The following TTN variants were observed in gnomAD, a reference collection of about 807,000 sequenced individuals.
TTN encodes the protein connectin.
Under a neutral mutation model 3,223.0 loss-of-function variants are expected in TTN, and 1,525 were observed. That is an observed-to-expected ratio of 0.47 (90% CI 0.45 to 0.49). The LOEUF is 0.49. Among genes scored for constraint, TTN ranks in the 20% least tolerant of loss-of-function variants. The pLI is 0.00. For synonymous variants in TTN, 14,094 were observed against 15,161.0 expected, an observed-to-expected ratio of 0.93 and a Z score of 5.17; for missense variants, 40,786 against 43,424.0, an observed-to-expected ratio of 0.94 and a Z score of 5.40.
rs2092142689 is a variant in TTN at position 178,775,688 on chromosome 2, A to T, written c.6176T>A (p.Ile2059Asn). 1 of 1,614,060 alleles carries T rather than the reference A, an allele frequency of 6.2e-7. No individual in the cohort carries two copies. The highest frequency in any genetic ancestry group is 1.7e-5 in the Admixed American group (1 of 60,004). Residue 2059 changes from isoleucine (I) to asparagine (N), a missense_variant, in exon 28 of 363, where the codon ATC (isoleucine) becomes AAC (asparagine). Transcript: ENST00000589042. The stretch of plus-strand genomic sequence containing the variant: ...GTCAGGTTTAAAAGTTGGAATCGTG[A>T]TTTTGCCTTCTTCGGCAAGAGCTTT... ...EKKALAEEGK[I>N]TIPTFKPDKI...
Position 178,549,276 on chromosome 2 carries a change from C to G in TTN, c.92350G>C (p.Gly30784Arg), listed in dbSNP as rs979303656. 7 of 1,613,802 alleles carry G rather than the reference C, an allele frequency of 4.3e-6. No individual in the cohort carries two copies. The African/African-American group carries it at 8.0e-5, about 18-fold the overall frequency. Residue 30784 changes from glycine to arginine, a missense_variant, in exon 339 of 363, where the codon GGT becomes CGT. By Grantham distance (125) the Gly-to-Arg change is moderately radical. Transcript: ENST00000589042. ...TCATACTCATTGCCTTCTGTCAGAC[C>G]AGTGACTTTGAATCTTGTTTCAGAG... ...PISETRFKVT[G>R]LTEGNEYEFH...
Position 178,572,566 on chromosome 2 carries a change from G to A in TTN, c.73566C>T (p.Pro24522=), listed in dbSNP as rs1316549707. 4 of 1,613,382 alleles carry A rather than the reference G, an allele frequency of 2.5e-6. No homozygotes were observed. Among genetic ancestry groups the A allele is most frequent in the Non-Finnish European group, 3.4e-6 (4 of 1,179,596 alleles). ...CCTCTTTTACCTTCAGATCCTGTGG[G>A]GGGCCTGGTGTATCGAGAACTCTAA... The part of the protein sequence containing the change: ...VNVRVLDTPG[P]PQDLKVKEVT... Residue 24522 remains proline, a synonymous_variant, in exon 326 of 363, where the codon CCC becomes CCT. Transcript: ENST00000589042.
chr2:178,554,747 G>A lies in TTN; in HGVS notation c.88600C>T (p.Pro29534Ser). 3.7e-6 allele frequency: 6 copies of A among 1,613,476 alleles called. No individual in the cohort carries two copies. Among genetic ancestry groups the A allele is most frequent in the Non-Finnish European group, 5.1e-6 (6 of 1,179,736 alleles). ...ATIRVQILDK[P>S]GPPGGPIEFK... ...TCAATTGGTCCACCAGGTGGGCCTG[G>A]TTTGTCTATCAGTGAAAGGACAAAA... is the stretch of plus-strand genomic sequence containing the variant. The change falls in exon 332 of 363, where the codon CCA (proline) becomes TCA (serine). Residue 29534 changes from proline (P) to serine (S), a missense_variant. By Grantham distance (74) the Pro-to-Ser change is moderately conservative (BLOSUM62 -1). Transcript: ENST00000589042.
chr2:178,794,381 T>C lies in TTN; in HGVS notation c.1398+18A>G, dbSNP rs72647849. 4,476 of 1,613,916 alleles carry C rather than the reference T, an allele frequency of 2.8e-3. 11 individuals are homozygous for C. The highest frequency in any genetic ancestry group is 2.9e-3 in the Non-Finnish European group (3,475 of 1,179,936). On this transcript the variant is annotated intron_variant, in intron 8 of 362. Coordinates refer to ENST00000589042, the MANE Select transcript of TTN (RefSeq NM_001267550.2). ...AGGACGTGGCTCTGCGGGTGCCCCA[T>C]GGCAGCCTCGCACGTACCTGTTCTT...
intron 4 of TTN, 88 bp downstream of exon 4, chr2:178,800,307 G>A: frequency 6.5e-7 from 1 of 1,543,684 alleles, no homozygotes; most frequent in Admixed American, 1.7e-5. Context: ...TCCCAGGGCT[G>A]TGAGAGGTGG....
Position 178,667,280 on chromosome 2 carries a change from G to A in TTN, c.35753C>T (p.Pro11918Leu). The stretch of plus-strand genomic sequence containing the variant: ...TGGAATTTCAGGAATAGCCTCAGGT[G>A]GCTCCACCTCTGGAAAAATGCCTCT... Reference protein sequence around the residue: ...TTRGIFPEVEPPEAIPEIPEH... With the variant: ...TTRGIFPEVELPEAIPEIPEH... The change falls in exon 162 of 363, where the codon CCA (proline) becomes CTA (leucine). Residue 11918 changes from proline (P) to leucine (L), a missense_variant. Transcript: ENST00000589042. 1 of 1,605,728 alleles carries A rather than the reference G, an allele frequency of 6.2e-7. No individual in the cohort carries two copies. Among genetic ancestry groups the A allele is most frequent in the Non-Finnish European group, 8.5e-7 (1 of 1,176,200 alleles).
chr2:178,777,600 T>G lies in TTN; in HGVS notation c.4481-16A>C, dbSNP rs1364656520. ...ATTTGCTGGCCTGTGAAAATATGTT[T>G]AAAAGAAAGTAGATTTTAAAATAGT... On this transcript the variant is annotated splice_polypyrimidine_tract_variant and intron_variant, in intron 25 of 362. Coordinates refer to ENST00000589042, the MANE Select transcript of TTN (RefSeq NM_001267550.2). 6.2e-7 allele frequency: 1 copy of G among 1,613,652 alleles called. No homozygotes were observed. Among genetic ancestry groups the G allele is most frequent in the Non-Finnish European group, 8.5e-7 (1 of 1,179,822 alleles).
intron 49 of TTN, 52 bp from the exon 50 acceptor site, chr2:178,736,126 C>A: frequency 6.8e-7 from 1 of 1,462,622 alleles, no homozygotes; most frequent in South Asian, 1.4e-5. Flanking sequence ...AAAGCACTTG[C>A]TGTAATTATA....
rs794729256 is a variant in TTN, at chr2:178,681,451, C to T, written c.33173-1G>A. On this transcript the variant is annotated splice_acceptor_variant, in intron 136 of 362. Transcript: ENST00000589042. LOFTEE classifies it high-confidence loss of function. ...TCTTCAGGGACAGCTTTCTTCAGCA[C>T]TTCAAAATATCAATATTAAGAGATT... is the stretch of plus-strand genomic sequence containing the variant. The T allele has an allele frequency of 6.2e-7, 1 of 1,602,462 alleles. No homozygotes were observed.
At position 178,598,893 on chromosome 2, in the gene TTN, G is replaced by C. The variant is rs757376568; in HGVS notation, c.56817C>G (p.Ile18939Met). 3 of 1,613,160 alleles carry C rather than the reference G, an allele frequency of 1.9e-6. No individual in the cohort carries two copies. The change falls in exon 291 of 363, where the codon ATC (isoleucine) becomes ATG (methionine). Residue 18939 changes from isoleucine (I) to methionine (M), a missense_variant. By Grantham distance (10) the Ile-to-Met change is conservative. Transcript: ENST00000589042. ...AAGAAACACCCAAAGTCATGGCTTT[G>C]ATAGGATCTCGGTTAACTCTCTTCC... is the stretch of plus-strand genomic sequence containing the variant. ...KRWKRVNRDP[I>M]KAMTLGVSYK...
At position 178,650,748 on chromosome 2, in the gene TTN, T is replaced by C. The variant is rs543584748; in HGVS notation, c.39709+3A>G. 8.7e-6 allele frequency: 14 copies of C among 1,600,038 alleles called. No individual in the cohort carries two copies. The highest frequency in any genetic ancestry group is 1.2e-5 in the Non-Finnish European group (14 of 1,172,708). ...GGTCATTAATCACCGGTCTCACGTG[T>C]ACCTTCTGGGGGAGGAGACTCCGCT... On this transcript the variant is annotated splice_donor_region_variant and intron_variant, in intron 209 of 362. Coordinates refer to ENST00000589042, the MANE Select transcript of TTN (RefSeq NM_001267550.2).
At position 178,800,557 on chromosome 2, in the gene TTN, C is replaced by T. The variant is rs758547822; in HGVS notation, c.421G>A (p.Gly141Arg). ...PTPVVKFYRD[G>R]AEIQSSLDFQ... ...TCAAGGGAGCTCTGGATTTCGGCTC[C>T]ATCCCGGTAGAACTTCACCACAGGT... The change falls in exon 4 of 363, where the codon GGA becomes AGA. Residue 141 changes from glycine (G) to arginine (R), a missense_variant. Transcript: ENST00000589042. The T allele has an allele frequency of 6.2e-7, 1 of 1,614,158 alleles. No homozygotes were observed. The highest frequency in any genetic ancestry group is 8.5e-7 in the Non-Finnish European group (1 of 1,180,002).
intron 111 of TTN, among the ~76,000 whole-genome samples, chr2:178,700,121 A>C (rs981665185): frequency 3.3e-5 from 5 of 152,134 alleles, no homozygotes; most frequent in African/African-American, 1.2e-4. Flanking sequence ...TCATTAACAT[A>C]AGTTATTATT....
In TTN at chr2:178,634,279, A is replaced by G. The variant is rs2060149271; in HGVS notation, c.42415+87T>C. ...GAAAGTTAATTAGTGATGCATTATC[A>G]CAGCTTTTAGAACTTGGCGTCCTAT... On this transcript the variant is annotated intron_variant, in intron 230 of 362. Transcript: ENST00000589042. The surrounding 1 kb of genome is among the most constrained non-coding windows in gnomAD (Gnocchi z 4.6). 1.3e-6 allele frequency: 2 copies of G among 1,527,256 alleles called. No individual in the cohort carries two copies. Among genetic ancestry groups the G allele is most frequent in the East Asian group, 4.6e-5 (2 of 43,350 alleles). 94.6% of individuals were successfully genotyped at this position (1,527,256 alleles called of 1,614,324 possible).
Position 178,706,953 on chromosome 2 carries a change from G to A in TTN, c.29043C>T (p.Asp9681=), listed in dbSNP as rs796705235. 6.2e-7 allele frequency: 1 copy of A among 1,601,610 alleles called. No individual in the cohort carries two copies. Among genetic ancestry groups the A allele is most frequent in the African/African-American group, 1.3e-5 (1 of 74,560 alleles). Residue 9681 remains aspartate (D), a splice_region_variant and synonymous_variant, in exon 101 of 363, where the codon GAC becomes GAT. Transcript: ENST00000589042. The part of the protein sequence containing the change: ...DTTKSKVTIK[D]KPAVAPATKK... ...TGGTTGCTGGGGCCACAGCTGGTTTGTCTGAAAAAACATTTACATGTTTTG... is the reference window on the plus strand; with the variant it reads ...TGGTTGCTGGGGCCACAGCTGGTTTATCTGAAAAAACATTTACATGTTTTG...
At chr2:178,711,569 T>A (rs2076659377) in intron 96 of TTN, among the ~76,000 whole-genome samples, 1 of 152,140 alleles carries the variant, frequency 6.6e-6, no homozygotes, top group South Asian at 2.1e-4. Context: ...CAAAACAGTA[T>A]GAAAACCAAT....
chr2:178,629,282 A>G lies in TTN; in HGVS notation c.44424+19T>C. The G allele has an allele frequency of 6.2e-7, 1 of 1,610,486 alleles. No homozygotes were observed. ...CTCCAGAAAAAGAACGGGAAAGACA[A>G]GGCATGCCTGCTTTTTACCTTATCG... is the stretch of plus-strand genomic sequence containing the variant. On this transcript the variant is annotated intron_variant, in intron 240 of 362. Transcript: ENST00000589042.
rs774571200 is a variant in TTN at position 178,532,478 on chromosome 2, G to T, written c.104137C>A (p.Pro34713Thr). 1 of 1,613,856 alleles carries T rather than the reference G, an allele frequency of 6.2e-7. No individual in the cohort carries two copies. The highest frequency in any genetic ancestry group is 8.5e-7 in the Non-Finnish European group (1 of 1,179,886). Residue 34713 changes from proline (P) to threonine (T), a missense_variant, in exon 358 of 363, where the codon CCA becomes ACA. Transcript: ENST00000589042. ...FELSSLRYSS[P>T]QAHVKVEETR... Reference sequence around the variant, plus strand: ...TCCTCCACCTTGACATGAGCTTGTGGTGAAGAGTAACGTAGGCTAGAAAGC... The same window carrying T: ...TCCTCCACCTTGACATGAGCTTGTGTTGAAGAGTAACGTAGGCTAGAAAGC...
intron 265 of TTN, 28 bp downstream of exon 265, chr2:178,612,745 T>G: frequency 6.3e-7 from 1 of 1,581,098 alleles, no homozygotes; most frequent in African/African-American, 1.4e-5. Context: ...GAAGAATTTA[T>G]ATATCCCAGA....
Sources: gnomAD v4.1 joint callset for allele counts (sites outside exome capture counted in the v4.1 genomes callset) on GRCh38, gnomAD v4.1.1 for gene constraint, Gnocchi (gnomAD v3.1) non-coding constraint, MANE v1.5 for transcripts, NCBI Gene and HGNC (gene_info 2026-07-23, HGNC 2026-07-21) for gene names.